COX10: variants seen among roughly 807,000 people sequenced by gnomAD.
The protein encoded by COX10 is protoheme IX farnesyltransferase, mitochondrial.
In COX10, 27 loss-of-function variants were observed where a neutral mutation model predicts 37.3. That is an observed-to-expected ratio of 0.72 (90% confidence interval 0.53 to 1.00). The LOEUF (loss-of-function observed/expected upper bound fraction) is 1.00, where lower values mean the gene tolerates loss of function less well. Ranked by LOEUF, COX10 falls within the 50% of genes least tolerant of loss-of-function variation. COX10 has a pLI of 0.00. For missense variants in COX10, 475 were observed against 563.2 expected, an observed-to-expected ratio of 0.84 and a Z score of 1.59; for synonymous variants, 222 against 229.1, an observed-to-expected ratio of 0.97 and a Z score of 0.28.
chr17:14,189,765 CA>C (rs1451191595), intron 5 of COX10, among the ~76,000 whole-genome samples: 2 of 152,062 alleles, frequency 1.3e-5, no homozygotes, highest in African/African-American at 4.8e-5. Context: ...TGTGTTTCAG[CA>C]GTTGGTGAGG....
intron 5 of COX10, among the ~76,000 whole-genome samples, chr17:14,163,487 C>T (rs903463114): frequency 6.6e-6 from 1 of 152,108 alleles, no homozygotes; most frequent in African/African-American, 2.4e-5. Flanking sequence ...AACTCCTGAC[C>T]TCAAGTGATC....
chr17:14,079,005 C>T (rs917558873), intron 3 of COX10, among the ~76,000 whole-genome samples: 4 of 152,126 alleles, frequency 2.6e-5, no homozygotes, highest in Non-Finnish European at 4.4e-5. Context: ...GCTCTTGGCC[C>T]CAGTCTCCCT....
chr17:14,082,839 G>A (rs1404719135), intron 3 of COX10, among the ~76,000 whole-genome samples: 4 of 152,162 alleles, frequency 2.6e-5, no homozygotes, highest in African/African-American at 9.7e-5. Context: ...CCTAGGGCTG[G>A]GACAGGACTC....
intron 4 of COX10, among the ~76,000 whole-genome samples, chr17:14,111,522 T>C (rs1916006219): frequency 6.6e-6 from 1 of 152,164 alleles, no homozygotes; most frequent in South Asian, 2.1e-4. Context: ...AGTACAGCTT[T>C]AGCTTTCATT....
At chr17:14,079,460 T>G (rs1268130220) in intron 3 of COX10, among the ~76,000 whole-genome samples, 1 of 152,202 alleles carries the variant, frequency 6.6e-6, no homozygotes, top group Non-Finnish European at 1.5e-5. Context: ...GTAGCAATAG[T>G]ATGACCTGAG....
At chr17:14,188,667 G>T (rs1906111723) in intron 5 of COX10, among the ~76,000 whole-genome samples, 1 of 152,004 alleles carries the variant, frequency 6.6e-6, no homozygotes, top group Admixed American at 6.6e-5. Context: ...TTAAGATTAG[G>T]AAACAAAAAG....
intron 6 of COX10, among the ~76,000 whole-genome samples, chr17:14,193,117 A>T (rs1597545814): frequency 2.0e-5 from 3 of 152,338 alleles, no homozygotes; most frequent in Middle Eastern, 3.4e-3. Context: ...TCTAAAACGT[A>T]TGTGCTTGTG....
chr17:14,162,637 T>A (rs1181214246), intron 5 of COX10, among the ~76,000 whole-genome samples: 5 of 137,936 alleles, frequency 3.6e-5, no homozygotes, highest in South Asian at 2.3e-4. Flanking sequence ...TTTTTTTTTT[T>A]ATCAACTACA....
At position 14,196,044 on chromosome 17, in the gene COX10, G is replaced by GA. The variant is rs904572099; in HGVS notation, c.928+3833dup. Among the ~76,000 whole-genome samples, 168 of 148,970 alleles carry GA rather than the reference G, an allele frequency of 1.1e-3. 2 individuals carry two copies. Among genetic ancestry groups the GA allele is most frequent in the Middle Eastern group, 3.5e-3 (1 of 288 alleles). ...GTATAGTTATAAAGAGCCCTTCTGA[G>GA]AAAAAAAAAATGGCCAAAAAGGTTT... is the stretch of plus-strand genomic sequence containing the variant. On this transcript the variant is annotated intron_variant, in intron 6 of 6. Transcript: ENST00000261643.
At chr17:14,197,771 C>CG (rs1906411661) in intron 6 of COX10, among the ~76,000 whole-genome samples, 1 of 152,228 alleles carries the variant, frequency 6.6e-6, no homozygotes. Flanking sequence ...TGCCGCAAAG[C>CG]ATGGGCCCAG....
intron 4 of COX10, among the ~76,000 whole-genome samples, chr17:14,157,352 G>A (rs957536711): frequency 1.3e-5 from 2 of 152,198 alleles, no homozygotes; most frequent in African/African-American, 4.8e-5. Flanking sequence ...CTAAAGAGGA[G>A]CACTGAGAGA....
chr17:14,146,841 A>G (rs748666070), intron 4 of COX10, among the ~76,000 whole-genome samples: 12 of 152,202 alleles, frequency 7.9e-5, no homozygotes, highest in Non-Finnish European at 1.6e-4. Flanking sequence ...AAAGATTTGA[A>G]TAGACATTTC....
At chr17:14,120,378 C>A (rs138869960) in intron 4 of COX10, among the ~76,000 whole-genome samples, 84 of 152,202 alleles carry the variant, frequency 5.5e-4, no homozygotes, top group African/African-American at 2.0e-3. Context: ...CTAGGATTAG[C>A]CTTGAAGAGC....
intron 4 of COX10, among the ~76,000 whole-genome samples, chr17:14,158,358 A>T (rs1347919785): frequency 6.6e-6 from 1 of 151,700 alleles, no homozygotes; most frequent in African/African-American, 2.4e-5. Flanking sequence ...ATGGGGAAAA[A>T]TTCTACATTT....
intron 4 of COX10, among the ~76,000 whole-genome samples, chr17:14,107,840 A>G (rs1387501893): frequency 6.6e-6 from 1 of 152,176 alleles, no homozygotes; most frequent in Admixed American, 6.5e-5. Flanking sequence ...CTGATTCCCA[A>G]GGCCACTGGC....
At chr17:14,165,770 A>AGGAC (rs1480633391) in intron 5 of COX10, among the ~76,000 whole-genome samples, 1 of 152,226 alleles carries the variant, frequency 6.6e-6, no homozygotes, top group African/African-American at 2.4e-5. Flanking sequence ...GTGAATGTAA[A>AGGAC]GGACAAGTTA....
chr17:14,181,025 TAAG>T, intron 5 of COX10, among the ~76,000 whole-genome samples: 1 of 151,918 alleles, frequency 6.6e-6, no homozygotes, highest in Non-Finnish European at 1.5e-5. Context: ...GCATGAGGTC[TAAG>T]AAGTGCTGTG....
At chr17:14,146,881 G>T (rs150158833) in intron 4 of COX10, among the ~76,000 whole-genome samples, 4 of 152,198 alleles carry the variant, frequency 2.6e-5, no homozygotes, top group Non-Finnish European at 5.9e-5. Context: ...TGGCAGACAG[G>T]CATATGAGAA....
At chr17:14,181,645 C>A (rs1329927518) in intron 5 of COX10, among the ~76,000 whole-genome samples, 1 of 152,096 alleles carries the variant, frequency 6.6e-6, no homozygotes, top group Non-Finnish European at 1.5e-5. Context: ...GGAGGCAGAT[C>A]AGAGAATTCA....
Sources: allele counts gnomAD v4.1 joint callset (sites outside exome capture counted in the v4.1 genomes callset), GRCh38; gene constraint gnomAD v4.1.1; transcripts MANE v1.5; gene names NCBI Gene and HGNC (gene_info 2026-07-23, HGNC 2026-07-21).